The following TBC1D4 variants were observed in gnomAD, a reference collection of about 807,000 sequenced individuals.
TBC1D4 encodes TBC (Tre-2, BUB2, CDC16) domain-containing protein.
Under a neutral mutation model 142.5 loss-of-function variants are expected in TBC1D4, and 121 were observed. The observed-to-expected ratio is 0.85, with a 90% CI of 0.73 to 0.99. TBC1D4 has a LOEUF of 0.99. Ranked by LOEUF, TBC1D4 falls within the 50% of genes least tolerant of loss-of-function variation. The pLI is 0.00. For synonymous variants in TBC1D4, 630 were observed against 628.2 expected, an observed-to-expected ratio of 1.00 and a Z score of -0.04; for missense variants, 1,475 against 1,606.6, an observed-to-expected ratio of 0.92 and a Z score of 1.40.
At chr13:75,417,160 G>A (rs910576456) in intron 1 of TBC1D4, among the ~76,000 whole-genome samples, 2 of 152,056 alleles carry the variant, frequency 1.3e-5, no homozygotes, top group Non-Finnish European at 2.9e-5. Context: ...ACCACACCCT[G>A]TCCCCCAAGA....
chr13:75,290,761 C>T (rs534928375), intron 19 of TBC1D4, among the ~76,000 whole-genome samples: 15 of 152,164 alleles, frequency 9.9e-5, no homozygotes, highest in African/African-American at 2.6e-4. Context: ...GTTATATTTG[C>T]TCCTAAAATA....
chr13:75,478,434 TA>T (rs1888705305), intron 1 of TBC1D4, among the ~76,000 whole-genome samples: 2 of 152,186 alleles, frequency 1.3e-5, no homozygotes, highest in African/African-American at 4.8e-5. Context: ...ACAAGTATGT[TA>T]GGGGATGTTT....
intron 1 of TBC1D4, among the ~76,000 whole-genome samples, chr13:75,437,693 T>A (rs566072303): frequency 6.6e-6 from 1 of 152,048 alleles, no homozygotes; most frequent in Non-Finnish European, 1.5e-5. Context: ...AAGTAGCTGA[T>A]GTCTTTAAAA....
At chr13:75,356,496 G>C (rs1437558782) in intron 3 of TBC1D4, among the ~76,000 whole-genome samples, 1 of 152,142 alleles carries the variant, frequency 6.6e-6, no homozygotes, top group Non-Finnish European at 1.5e-5. Flanking sequence ...GGCCACAGGA[G>C]GAAAAACATT....
intron 7 of TBC1D4, among the ~76,000 whole-genome samples, chr13:75,338,294 A>T (rs1355774341): frequency 2.0e-5 from 3 of 152,004 alleles, no homozygotes; most frequent in African/African-American, 4.8e-5. Flanking sequence ...GAGGAAAAAA[A>T]AAACAATGGG....
chr13:75,411,419 T>A (rs930092246), intron 1 of TBC1D4, among the ~76,000 whole-genome samples: 1 of 152,216 alleles, frequency 6.6e-6, no homozygotes, highest in Non-Finnish European at 1.5e-5. Context: ...AATGCTTCAA[T>A]GCCAAGGGCC....
rs68187511 is a variant in TBC1D4 at position 75,359,128 on chromosome 13, AT to A, written c.1170+640del. ...ATTCCAGGAACCTCCTTAGAGGTGC[AT>A]TTTTTAACCTCCCTACATTTACATT... On this transcript the variant is annotated intron_variant, in intron 3 of 20. Transcript: ENST00000377636. Among the ~76,000 whole-genome samples the A allele has an allele frequency of 6.2e-3, 950 of 152,246 alleles. 17 individuals carry two copies. The highest frequency in any genetic ancestry group is 0.021 in the African/African-American group (860 of 41,550).
At chr13:75,320,867 CAAAA>C (rs148657060) in intron 11 of TBC1D4, among the ~76,000 whole-genome samples, 5 of 84,360 alleles carry the variant, frequency 5.9e-5, no homozygotes, top group South Asian at 4.3e-4. Flanking sequence ...ACTAAAAATA[CAAAA>C]AAAAAAAAAA....
At chr13:75,456,847 T>C (rs1424584042) in intron 1 of TBC1D4, among the ~76,000 whole-genome samples, 1 of 151,236 alleles carries the variant, frequency 6.6e-6, no homozygotes, top group Non-Finnish European at 1.5e-5. Flanking sequence ...CACAAAAATG[T>C]CCATAACACC....
chr13:75,405,267 T>C (rs1885279889), intron 1 of TBC1D4, among the ~76,000 whole-genome samples: 1 of 100,480 alleles, frequency 1.0e-5, no homozygotes, highest in African/African-American at 2.9e-5. Context: ...CATGTATATA[T>C]GCTTTTTTTT....
intron 12 of TBC1D4, among the ~76,000 whole-genome samples, chr13:75,315,381 CACACACATATATATAT>C (rs1236383612): frequency 1.4e-5 from 2 of 147,614 alleles, no homozygotes; most frequent in African/African-American, 5.0e-5. Context: ...CACACACACA[CACACACATATATATAT>C]ACACACATAT....
chr13:75,357,924 T>C (rs1882177752), intron 3 of TBC1D4, among the ~76,000 whole-genome samples: 1 of 152,136 alleles, frequency 6.6e-6, no homozygotes, highest in Non-Finnish European at 1.5e-5. Flanking sequence ...ATCTTGACTT[T>C]AAAAAAATAC....
In TBC1D4 at chr13:75,291,318, A is replaced by G. The variant is rs541864341; in HGVS notation, c.3486+784T>C. On this transcript the variant is annotated intron_variant, in intron 19 of 20. Transcript: ENST00000377636. ...CTCTGCCTAGTTCAACAAGACCACAACAACCAGCACAGAACCCTCCTCCAC... is the reference window on the plus strand; with the variant it reads ...CTCTGCCTAGTTCAACAAGACCACAGCAACCAGCACAGAACCCTCCTCCAC... Among the ~76,000 whole-genome samples, 8 of 152,246 alleles carry G rather than the reference A, an allele frequency of 5.3e-5. No homozygotes were observed. The East Asian group carries it at 1.5e-3, about 29-fold the overall frequency.
At chr13:75,312,617 A>C (rs1331859343) in intron 13 of TBC1D4, 121 bp downstream of exon 13, 11 of 1,304,044 alleles carry the variant, frequency 8.4e-6, no homozygotes, top group Non-Finnish European at 4.4e-6. Flanking sequence ...CCACTGTATC[A>C]CATACAGAAA....
chr13:75,391,034 A>C (rs140088019), intron 1 of TBC1D4, among the ~76,000 whole-genome samples: 4 of 1,158 alleles, frequency 3.5e-3, no homozygotes, highest in Non-Finnish European at 0.018. Context: ...TTCCCCCACC[A>C]CACACACACA....
At chr13:75,442,958 G>C (rs1887109410) in intron 1 of TBC1D4, among the ~76,000 whole-genome samples, 1 of 146,982 alleles carries the variant, frequency 6.8e-6, no homozygotes, top group Non-Finnish European at 1.5e-5. Flanking sequence ...CCTGAAGAAA[G>C]GCACCAGAGG....
intron 9 of TBC1D4, among the ~76,000 whole-genome samples, chr13:75,326,963 T>C (rs145912484): frequency 1.3e-5 from 2 of 152,314 alleles, no homozygotes; most frequent in African/African-American, 4.8e-5. Flanking sequence ...GTTAAGTATC[T>C]TCCCTCACCG....
rs1323645044 is a variant in TBC1D4 at position 75,285,393 on chromosome 13, A to G, written c.*1399T>C. On this transcript the variant is annotated 3_prime_UTR_variant, in exon 21 of 21. Coordinates refer to ENST00000377636, the MANE Select transcript of TBC1D4 (RefSeq NM_014832.5). The stretch of plus-strand genomic sequence containing the variant: ...TGAAAATACAAGTACTGCAAAAAGC[A>G]GTGAGGATAAATACTTTTTGGAAAG... 6.6e-6 allele frequency: 1 copy of G among 152,252 alleles called. No individual in the cohort carries two copies. Among genetic ancestry groups the G allele is most frequent in the African/African-American group, 2.4e-5 (1 of 41,472 alleles). 9.4% of individuals were successfully genotyped at this position (152,252 alleles called of 1,614,324 possible). A position where few individuals can be genotyped will look rare whatever the true frequency, so the allele number is the denominator to read the frequency against.
intron 3 of TBC1D4, among the ~76,000 whole-genome samples, chr13:75,356,912 G>T (rs1441144373): frequency 6.6e-6 from 1 of 151,974 alleles, no homozygotes; most frequent in Non-Finnish European, 1.5e-5. Flanking sequence ...TATACATACT[G>T]GTAAGTAGAC....
Sources: gnomAD v4.1 joint callset for allele counts (sites outside exome capture counted in the v4.1 genomes callset) on GRCh38, gnomAD v4.1.1 for gene constraint, MANE v1.5 for transcripts, NCBI Gene and HGNC (gene_info 2026-07-23, HGNC 2026-07-21) for gene names.